Variants in CUBN observed in about 807,000 individuals in gnomAD.
The protein encoded by CUBN is cubilin, also known as 460 kDa receptor.
A neutral mutation model predicts 405.3 loss-of-function variants in CUBN; 282 were observed. The observed-to-expected ratio is 0.70, with a 90% CI of 0.63 to 0.77. The LOEUF is 0.77. Among genes scored for constraint, CUBN ranks in the 30% least tolerant of loss-of-function variants. The pLI, the probability that CUBN is intolerant of heterozygous loss-of-function variation, is 0.00. For synonymous variants in CUBN, 1,684 were observed against 1,617.0 expected, an observed-to-expected ratio of 1.04 and a Z score of -0.99; for missense variants, 4,514 against 4,475.2, an observed-to-expected ratio of 1.01 and a Z score of -0.25.
chr10:16,849,415 A>G (rs189710252), intron 60 of CUBN, among the ~76,000 whole-genome samples: 105 of 152,218 alleles, frequency 6.9e-4, no homozygotes, highest in South Asian at 4.1e-3. Context: ...TGATGGAAGG[A>G]AGGCTCTTTG....
chr10:17,012,694 C>T (rs1427736146), intron 28 of CUBN, among the ~76,000 whole-genome samples: 1 of 152,202 alleles, frequency 6.6e-6, no homozygotes, highest in Non-Finnish European at 1.5e-5. Context: ...TCCATATTAA[C>T]TTAGAATTGG....
At chr10:16,872,740 CAT>C (rs1306306776) in intron 58 of CUBN, among the ~76,000 whole-genome samples, 3 of 152,200 alleles carry the variant, frequency 2.0e-5, no homozygotes, top group Non-Finnish European at 4.4e-5. Flanking sequence ...CAATCCTACA[CAT>C]ATGAGAAACA....
At chr10:16,841,139 G>A (rs565583251) in intron 60 of CUBN, 92 bp from the exon 61 acceptor site, 1 of 1,055,810 alleles carries the variant, frequency 9.5e-7, no homozygotes, top group Non-Finnish European at 1.4e-6. Context: ...ATAGGTCACG[G>A]TAAACATTTT....
chr10:17,128,812 G>C (rs1837257266), intron 2 of CUBN, among the ~76,000 whole-genome samples: 1 of 152,140 alleles, frequency 6.6e-6, no homozygotes, highest in African/African-American at 2.4e-5. Flanking sequence ...TTAGATAGAA[G>C]AAATAAGACC....
At chr10:16,911,742 A>G (rs1461318475) in intron 48 of CUBN, among the ~76,000 whole-genome samples, 5 of 152,222 alleles carry the variant, frequency 3.3e-5, no homozygotes, top group African/African-American at 1.2e-4. Flanking sequence ...AAGGTAAAAA[A>G]CAACTGTTAG....
In CUBN at chr10:17,109,583, T is replaced by C. The variant is rs1233577032; in HGVS notation, c.1111+57A>G. On this transcript the variant is annotated intron_variant, in intron 10 of 66. Coordinates refer to ENST00000377833, the MANE Select transcript of CUBN (RefSeq NM_001081.4). The stretch of plus-strand genomic sequence containing the variant: ...AGGATTTTGTGTTTAAGATGTTGAA[T>C]TGGTTTAGAAGGTCATATTACAATA... 7.4e-6 allele frequency: 10 copies of C among 1,353,186 alleles called. No individual in the cohort carries two copies. The Admixed American group carries it at 1.5e-4, about 21-fold the overall frequency. The allele number at this position is 1,353,186 out of a possible 1,614,324, so 83.8% of individuals were successfully genotyped here.
intron 48 of CUBN, among the ~76,000 whole-genome samples, chr10:16,907,933 A>C (rs1345147400): frequency 6.6e-6 from 1 of 152,188 alleles, no homozygotes; most frequent in South Asian, 2.1e-4. Context: ...ATAGATTAAA[A>C]GCTGCTATAC....
Position 17,036,554 on chromosome 10 carries a change from GC to G in CUBN, c.4017+4478del, listed in dbSNP as rs1834905079. Among the ~76,000 whole-genome samples, 6 of 152,188 alleles carry G rather than the reference GC, an allele frequency of 3.9e-5. 1 individual carries two copies. In the South Asian group the frequency reaches 1.2e-3, roughly 32 times the overall value. Reference sequence around the variant, plus strand: ...CATGTGGCTCAGATTGTGTTTCGGTGCCACCACCAAGAGTGCGAGCCCAGAC... The same window carrying G: ...CATGTGGCTCAGATTGTGTTTCGGTGCACCACCAAGAGTGCGAGCCCAGAC... On this transcript the variant is annotated intron_variant, in intron 27 of 66. Coordinates refer to ENST00000377833, the MANE Select transcript of CUBN (RefSeq NM_001081.4).
At chr10:16,933,476 T>C (rs750137154) in intron 39 of CUBN, among the ~76,000 whole-genome samples, 192 bp from the exon 40 acceptor site, 3 of 152,192 alleles carry the variant, frequency 2.0e-5, no homozygotes, top group Non-Finnish European at 4.4e-5. Flanking sequence ...TGATCTTTGA[T>C]GTAAAAAAAA....
In CUBN at chr10:16,835,164, G is replaced by C. The variant is rs752570411; in HGVS notation, c.10212C>G (p.Gly3404=). The C allele has an allele frequency of 6.2e-7, 1 of 1,614,102 alleles. No homozygotes were observed. The highest frequency in any genetic ancestry group is 2.2e-5 in the East Asian group (1 of 44,882). Residue 3404 remains glycine, a synonymous_variant, in exon 64 of 67, where the codon GGC becomes GGG. Transcript: ENST00000377833. ...DCNRDYHKAF[G]NLRSPGWPDN... is the part of the protein sequence containing the mutation. ...CTGGCCATCCAGGGCTTCTCAGGTT[G>C]CCAAATGCCTTGTGATAGTCTCTGT... is the stretch of plus-strand genomic sequence containing the variant.
chr10:16,894,379 C>T (rs1320047969), intron 54 of CUBN, among the ~76,000 whole-genome samples: 2 of 151,810 alleles, frequency 1.3e-5, no homozygotes, highest in Non-Finnish European at 1.5e-5. Context: ...GTGAGGTTTT[C>T]TACAAAATAA....
At chr10:16,864,081 G>T (rs1006182110) in intron 59 of CUBN, among the ~76,000 whole-genome samples, 2 of 152,114 alleles carry the variant, frequency 1.3e-5, no homozygotes, top group African/African-American at 4.8e-5. Flanking sequence ...GTTCTATATG[G>T]TATATTATTA....
chr10:17,048,237 G>A (rs1835183927), intron 22 of CUBN, among the ~76,000 whole-genome samples: 1 of 152,258 alleles, frequency 6.6e-6, no homozygotes, highest in Non-Finnish European at 1.5e-5. Flanking sequence ...CCCATGATAT[G>A]CACTCAGTAA....
At chr10:17,057,250 G>T (rs1321364536) in intron 22 of CUBN, among the ~76,000 whole-genome samples, 1 of 152,158 alleles carries the variant, frequency 6.6e-6, no homozygotes, top group African/African-American at 2.4e-5. Flanking sequence ...CGTGTTGAGG[G>T]TAGCAGCTTG....
intron 28 of CUBN, among the ~76,000 whole-genome samples, chr10:17,018,620 G>T (rs1834406824): frequency 6.6e-6 from 1 of 152,078 alleles, no homozygotes; most frequent in Non-Finnish European, 1.5e-5. Context: ...GACCCGAGTG[G>T]GTTGCCGCTG....
intron 66 of CUBN, among the ~76,000 whole-genome samples, chr10:16,825,284 G>A (rs1431855350): frequency 6.6e-6 from 1 of 152,088 alleles, no homozygotes; most frequent in African/African-American, 2.4e-5. Flanking sequence ...GGGAGTTGAG[G>A]GAAAATGGGG....
At chr10:16,826,832 G>T (rs1838800379) in intron 66 of CUBN, among the ~76,000 whole-genome samples, 1 of 152,052 alleles carries the variant, frequency 6.6e-6, no homozygotes, top group Admixed American at 6.6e-5. Flanking sequence ...GTCACTGTGG[G>T]GATCAAATGG....
intron 6 of CUBN, among the ~76,000 whole-genome samples, chr10:17,118,812 T>C: frequency 6.6e-6 from 1 of 152,220 alleles, no homozygotes; most frequent in East Asian, 1.9e-4. Flanking sequence ...CCTTTAAAAA[T>C]GAACAATTAC....
At chr10:16,940,288 T>G (rs1487178139) in intron 36 of CUBN, 51 bp from the exon 37 acceptor site, 2 of 1,508,992 alleles carry the variant, frequency 1.3e-6, no homozygotes, top group African/African-American at 2.8e-5. Flanking sequence ...AGAATAGACT[T>G]TGGGATTCTC....
Sources: allele counts gnomAD v4.1 joint callset (sites outside exome capture counted in the v4.1 genomes callset), GRCh38; gene constraint gnomAD v4.1.1; transcripts MANE v1.5; gene names NCBI Gene and HGNC (gene_info 2026-07-23, HGNC 2026-07-21).